The following IQGAP2 variants were observed in gnomAD, a reference collection of about 807,000 sequenced individuals.
The protein encoded by IQGAP2 is IQ motif containing GTPase activating protein 2, also known as ras GTPase-activating-like protein IQGAP2.
In IQGAP2, 173 loss-of-function variants were observed where a neutral mutation model predicts 201.3. That is an observed-to-expected ratio of 0.86 (90% CI 0.76 to 0.98). The LOEUF is 0.98. Among genes scored for constraint, IQGAP2 ranks in the 50% least tolerant of loss-of-function variants. IQGAP2 has a pLI of 0.00. For synonymous variants in IQGAP2, 675 were observed against 673.9 expected, an observed-to-expected ratio of 1.00 and a Z score of -0.03; for missense variants, 1,687 against 1,864.8, an observed-to-expected ratio of 0.90 and a Z score of 1.76.
intron 2 of IQGAP2, among the ~76,000 whole-genome samples, chr5:76,531,860 T>G (rs1387364927): frequency 6.6e-6 from 1 of 152,128 alleles, no homozygotes; most frequent in East Asian, 1.9e-4. Context: ...CCACAGAAAT[T>G]TATTTCTCAC....
intron 35 of IQGAP2, among the ~76,000 whole-genome samples, chr5:76,705,460 GT>G (rs1747792865): frequency 6.6e-6 from 1 of 152,296 alleles, no homozygotes; most frequent in Admixed American, 6.5e-5. Flanking sequence ...GTCCAGCCAT[GT>G]TTTCTCTGCT....
intron 1 of IQGAP2, among the ~76,000 whole-genome samples, chr5:76,411,363 G>T (rs1049199446): frequency 6.6e-6 from 1 of 152,174 alleles, no homozygotes; most frequent in African/African-American, 2.4e-5. Flanking sequence ...TTATTTTATA[G>T]AATTAATTCT....
At chr5:76,611,899 C>A (rs758685950) in intron 13 of IQGAP2, among the ~76,000 whole-genome samples, 1 of 152,132 alleles carries the variant, frequency 6.6e-6, no homozygotes, top group Non-Finnish European at 1.5e-5. Flanking sequence ...TGGGACCTAG[C>A]TACTTATGGC....
chr5:76,623,754 A>G (rs536081930), intron 13 of IQGAP2, among the ~76,000 whole-genome samples: 33 of 152,310 alleles, frequency 2.2e-4, no homozygotes, highest in African/African-American at 7.9e-4. Flanking sequence ...TAAACACTTT[A>G]CATAATTATA....
chr5:76,459,247 A>G (rs891156497), intron 1 of IQGAP2, among the ~76,000 whole-genome samples: 2 of 152,154 alleles, frequency 1.3e-5, no homozygotes, highest in Non-Finnish European at 2.9e-5. Flanking sequence ...AGTTGTGGGC[A>G]GAGGCCGAGG....
intron 2 of IQGAP2, among the ~76,000 whole-genome samples, chr5:76,483,521 C>T (rs1464596969): frequency 6.6e-6 from 1 of 152,180 alleles, no homozygotes; most frequent in Non-Finnish European, 1.5e-5. Context: ...GATTCTCTAA[C>T]CTACCATCTT....
In IQGAP2 at chr5:76,668,789, C is replaced by A; in HGVS notation, c.2788C>A (p.Arg930=). The change falls in exon 23 of 36, where the codon CGA becomes AGA. Residue 930 remains arginine (R), a synonymous_variant. Transcript: ENST00000274364. ...ACTATATAATTATGCCTCTAATCAG[C>A]GAGAAGAATATCTACTTCTCAAGCT... ...FTLYNYASNQ[R]EEYLLLKLFK... The A allele has an allele frequency of 6.2e-7, 1 of 1,607,424 alleles. No homozygotes were observed. Among genetic ancestry groups the A allele is most frequent in the Non-Finnish European group, 8.5e-7 (1 of 1,176,482 alleles).
At position 76,511,686 on chromosome 5, in the gene IQGAP2, G is replaced by GTTT. The variant is rs70982618; in HGVS notation, c.146+50027_146+50029dup. Among the ~76,000 whole-genome samples the GTTT allele has an allele frequency of 4.7e-4, 66 of 141,344 alleles. 1 individual carries two copies. Among genetic ancestry groups the GTTT allele is most frequent in the East Asian group, 2.6e-3 (12 of 4,704 alleles). The allele number at this position is 141,344 out of a possible 152,430, so 92.7% of individuals were successfully genotyped here. On this transcript the variant is annotated intron_variant, in intron 2 of 35. Transcript: ENST00000274364. ...GTTTTTTTTTGTTTTGTTTTGTTTT[G>GTTT]TTTTTTTTTTTTGAGACGGAGTCTC...
intron 12 of IQGAP2, among the ~76,000 whole-genome samples, chr5:76,610,351 A>C (rs1374901260): frequency 6.6e-6 from 1 of 151,176 alleles, no homozygotes; most frequent in Non-Finnish European, 1.5e-5. Flanking sequence ...ATCATTAGTC[A>C]CTAGAAAAAT....
intron 2 of IQGAP2, among the ~76,000 whole-genome samples, chr5:76,498,181 G>A (rs560848590): frequency 6.6e-5 from 10 of 152,322 alleles, no homozygotes; most frequent in African/African-American, 1.9e-4. Flanking sequence ...AATTTAGAAC[G>A]GAGAGATGCT....
At chr5:76,663,973 C>T (rs1308623153) in intron 21 of IQGAP2, among the ~76,000 whole-genome samples, 2 of 152,218 alleles carry the variant, frequency 1.3e-5, no homozygotes, top group Non-Finnish European at 2.9e-5. Context: ...TCCACTCAAA[C>T]TTTCTCCATA....
intron 1 of IQGAP2, among the ~76,000 whole-genome samples, chr5:76,426,905 G>GGTGTGTGTGTGTGTGTGTGTGTGT (rs141560559): frequency 1.2e-4 from 17 of 146,586 alleles, no homozygotes; most frequent in African/African-American, 2.3e-4. Flanking sequence ...AACCATGGAG[G>GGTGTGTGTGTGTGTGTGTGTGTGT]GTGTGTGTGT....
chr5:76,661,399 A>C (rs1257208642), intron 21 of IQGAP2, among the ~76,000 whole-genome samples: 1 of 152,200 alleles, frequency 6.6e-6, no homozygotes, highest in Non-Finnish European at 1.5e-5. Context: ...AGTATAGGTC[A>C]GCCTAGCTGG....
chr5:76,617,425 A>AAAC, intron 13 of IQGAP2: 1 of 628,910 alleles, frequency 1.6e-6, no homozygotes. Context: ...CTCAGTCTCA[A>AAAC]AAACAAACAA....
At chr5:76,448,060 GAA>G in intron 1 of IQGAP2, among the ~76,000 whole-genome samples, 1 of 152,024 alleles carries the variant, frequency 6.6e-6, no homozygotes, top group East Asian at 1.9e-4. Context: ...GAGAGACTCA[GAA>G]AGGCTGGTTT....
intron 21 of IQGAP2, among the ~76,000 whole-genome samples, chr5:76,661,720 G>A (rs139132262): frequency 1.3e-4 from 20 of 152,246 alleles, no homozygotes; most frequent in African/African-American, 4.8e-4. Flanking sequence ...TCACTCTACA[G>A]ATGAGGAAAC....
intron 4 of IQGAP2, among the ~76,000 whole-genome samples, chr5:76,574,056 G>T (rs1421126771): frequency 6.6e-6 from 1 of 152,058 alleles, no homozygotes. Context: ...AAGAAACTTT[G>T]CTTCTTTCTT....
intron 2 of IQGAP2, among the ~76,000 whole-genome samples, chr5:76,549,668 C>T (rs1580431254): frequency 6.6e-6 from 1 of 152,118 alleles, no homozygotes; most frequent in East Asian, 1.9e-4. Flanking sequence ...TTGGTTTCTT[C>T]TGAGGCCTCT....
intron 30 of IQGAP2, among the ~76,000 whole-genome samples, chr5:76,686,251 G>C (rs56215827): frequency 0.2 from 29,725 of 149,780 alleles, 3,786 homozygotes; most frequent in African/African-American, 0.36. Flanking sequence ...TTTGCCCCTT[G>C]TGTGGGCTTT....
Sources: allele counts gnomAD v4.1 joint callset (sites outside exome capture counted in the v4.1 genomes callset), GRCh38; gene constraint gnomAD v4.1.1; transcripts MANE v1.5; gene names NCBI Gene and HGNC (gene_info 2026-07-23, HGNC 2026-07-21).